EEPD1: variants seen among roughly 807,000 people sequenced by gnomAD.
EEPD1 encodes endonuclease/exonuclease/phosphatase family domain containing 1.
A neutral mutation model predicts 46.3 loss-of-function variants in EEPD1; 17 were observed. The observed-to-expected ratio is 0.37, with a 90% confidence interval of 0.25 to 0.55. The LOEUF is 0.55. EEPD1 is among the 20% of genes least tolerant of loss of function. The pLI, the probability that EEPD1 is intolerant of heterozygous loss-of-function variation, is 0.83. For missense variants in EEPD1, 673 were observed against 745.6 expected (o/e 0.90, Z 1.13); for synonymous variants, 313 against 315.6 (o/e 0.99, Z 0.09).
chr7:36,234,679 A>C (rs1263527373), intron 2 of EEPD1, among the ~76,000 whole-genome samples: 2 of 152,064 alleles, frequency 1.3e-5, no homozygotes, highest in Non-Finnish European at 2.9e-5. Context: ...CTCAAAAAAA[A>C]AAAAAAAGAT....
chr7:36,236,162 T>A (rs6948025), intron 2 of EEPD1, among the ~76,000 whole-genome samples: 18,857 of 152,280 alleles, frequency 0.12, 1,583 homozygotes, highest in Non-Finnish European at 0.19. Flanking sequence ...TCGCTCACTC[T>A]CGGCTCCGCC....
chr7:36,199,425 G>A (rs1441065635), intron 2 of EEPD1, among the ~76,000 whole-genome samples: 8 of 152,150 alleles, frequency 5.3e-5, no homozygotes, highest in African/African-American at 1.9e-4. Flanking sequence ...GGGAGGATGA[G>A]GACTTGCTGA....
chr7:36,241,985 A>G (rs1488440982), intron 3 of EEPD1, among the ~76,000 whole-genome samples: 1 of 152,208 alleles, frequency 6.6e-6, no homozygotes, highest in Admixed American at 6.5e-5. Context: ...CTATCAGAGA[A>G]ATAGGGTCAG....
rs75393867 is a variant in EEPD1, at chr7:36,195,420, C to T, written c.878+40218C>T. Reference sequence around the variant, plus strand: ...GAGGTGGGTTCCTCTATAAAAGTTTCCCTTCATAAAAGAAGTAGAGAAAGC... The same window carrying T: ...GAGGTGGGTTCCTCTATAAAAGTTTTCCTTCATAAAAGAAGTAGAGAAAGC... On this transcript the variant is annotated intron_variant, in intron 2 of 7. Transcript: ENST00000242108. 5.4e-3 allele frequency among the ~76,000 whole-genome samples: 824 copies of T among 152,286 alleles called. 7 individuals are homozygous for T. The highest frequency in any genetic ancestry group is 0.019 in the African/African-American group (781 of 41,550).
At chr7:36,242,544 C>G (rs1786570993) in intron 3 of EEPD1, among the ~76,000 whole-genome samples, 1 of 152,094 alleles carries the variant, frequency 6.6e-6, no homozygotes, top group African/African-American at 2.4e-5. Context: ...CAGAAGCAAA[C>G]ATTCATCATG....
chr7:36,214,006 G>A (rs1458841816), intron 2 of EEPD1, among the ~76,000 whole-genome samples: 1 of 152,168 alleles, frequency 6.6e-6, no homozygotes, highest in Non-Finnish European at 1.5e-5. Flanking sequence ...GAAGATGTTG[G>A]TGGTCCAGGA....
intron 2 of EEPD1, among the ~76,000 whole-genome samples, chr7:36,170,566 CT>C (rs58354576): frequency 0.2 from 28,521 of 141,754 alleles, 2,752 homozygotes; most frequent in Non-Finnish European, 0.2. Context: ...TTAAAAGTGT[CT>C]TTTTTTTTTT....
At chr7:36,252,085 T>G (rs1336900076) in intron 3 of EEPD1, among the ~76,000 whole-genome samples, 1 of 152,206 alleles carries the variant, frequency 6.6e-6, no homozygotes, top group Non-Finnish European at 1.5e-5. Flanking sequence ...AATTAATTTT[T>G]CTTCATACTC....
chr7:36,295,825 G>T (rs1787514275), intron 6 of EEPD1, among the ~76,000 whole-genome samples: 1 of 152,046 alleles, frequency 6.6e-6, no homozygotes, highest in African/African-American at 2.4e-5. Context: ...GAGGTCAGGA[G>T]TTCGAGATCA....
At chr7:36,260,009 A>AT (rs1485324344) in intron 3 of EEPD1, among the ~76,000 whole-genome samples, 2 of 152,128 alleles carry the variant, frequency 1.3e-5, no homozygotes, top group Non-Finnish European at 2.9e-5. Context: ...TTGTGCCATT[A>AT]TTTTTACCTA....
intron 2 of EEPD1, among the ~76,000 whole-genome samples, chr7:36,168,095 TTGTG>T (rs1243677801): frequency 6.6e-6 from 1 of 152,164 alleles, no homozygotes; most frequent in Non-Finnish European, 1.5e-5. Flanking sequence ...TCTGTTGTAA[TTGTG>T]TGTTGGTGCT....
chr7:36,281,190 G>A lies in EEPD1; in HGVS notation c.1006G>A (p.Val336Ile), dbSNP rs150246825. The change falls in exon 4 of 8, where the codon GTT becomes ATT. Residue 336 changes from valine (V) to isoleucine (I), a missense_variant. Coordinates refer to ENST00000242108, the MANE Select transcript of EEPD1 (RefSeq NM_030636.3). Reference sequence around the variant, plus strand: ...GGGGCCCCGGGGATGCTGGAAGGCTGTTGTTGCTGAGAAGCCCTCGAGTCA... The same window carrying A: ...GGGGCCCCGGGGATGCTGGAAGGCTATTGTTGCTGAGAAGCCCTCGAGTCA... ...WKGPRGCWKA[V>I]VAEKPSSQLQ... The A allele has an allele frequency of 1.0e-3, 1,660 of 1,614,204 alleles. 1 individual carries two copies. Among genetic ancestry groups the A allele is most frequent in the Non-Finnish European group, 1.3e-3 (1,536 of 1,180,040 alleles).
chr7:36,295,015 T>C (rs1450183899), intron 6 of EEPD1, among the ~76,000 whole-genome samples: 1 of 151,868 alleles, frequency 6.6e-6, no homozygotes, highest in Non-Finnish European at 1.5e-5. Context: ...CCATCTCTAC[T>C]AAAAATACAA....
chr7:36,278,363 A>G (rs112977478), intron 3 of EEPD1, among the ~76,000 whole-genome samples: 5,401 of 152,102 alleles, frequency 0.036, 128 homozygotes, highest in Middle Eastern at 0.075. Flanking sequence ...GGGGGTTAGG[A>G]GAGATTAGAT....
chr7:36,256,878 G>T (rs1406123445), intron 3 of EEPD1, among the ~76,000 whole-genome samples: 1 of 152,144 alleles, frequency 6.6e-6, no homozygotes, highest in Non-Finnish European at 1.5e-5. Context: ...ATGCTGGCTG[G>T]TTATTTTGCC....
At chr7:36,230,381 T>A (rs570725284) in intron 2 of EEPD1, among the ~76,000 whole-genome samples, 8 of 152,144 alleles carry the variant, frequency 5.3e-5, no homozygotes, top group African/African-American at 1.9e-4. Context: ...CTTGCCAGAC[T>A]CCTTGATGTG....
intron 2 of EEPD1, among the ~76,000 whole-genome samples, chr7:36,219,806 A>AGAGAGTGTGTGT (rs1341203087): frequency 4.4e-4 from 33 of 75,436 alleles, no homozygotes; most frequent in African/African-American, 1.3e-3. Context: ...AGAGAGAGAG[A>AGAGAGTGTGTGT]GTGTGTGTGT....
rs77829427 is a variant in EEPD1 at position 36,178,119 on chromosome 7, G to A, written c.878+22917G>A. On this transcript the variant is annotated intron_variant, in intron 2 of 7. Coordinates refer to ENST00000242108, the MANE Select transcript of EEPD1 (RefSeq NM_030636.3). ...CTCATCTTCTTCCCTGGAAAATGGA[G>A]GTGACAGTGTTCCTACCTCAGGAAA... Among the ~76,000 whole-genome samples the A allele has an allele frequency of 2.4e-3, 364 of 152,308 alleles. 1 individual carries two copies. The highest frequency in any genetic ancestry group is 8.4e-3 in the African/African-American group (351 of 41,558).
At chr7:36,248,585 C>A (rs1434008867) in intron 3 of EEPD1, among the ~76,000 whole-genome samples, 2 of 149,604 alleles carry the variant, frequency 1.3e-5, no homozygotes, top group African/African-American at 4.9e-5. Flanking sequence ...TTCTTCAGAT[C>A]CCTTATTTAT....
Sources: gnomAD v4.1 joint callset for allele counts (sites outside exome capture counted in the v4.1 genomes callset) on GRCh38, gnomAD v4.1.1 for gene constraint, MANE v1.5 for transcripts, NCBI Gene and HGNC (gene_info 2026-07-23, HGNC 2026-07-21) for gene names.